The following KSR2 variants were observed in gnomAD, a reference collection of about 807,000 sequenced individuals.
KSR2 encodes kinase suppressor of ras 2.
A neutral mutation model predicts 107.8 loss-of-function variants in KSR2; 25 were observed. The ratio of observed to expected loss-of-function variants is 0.23; its 90% CI spans 0.17 to 0.32. The LOEUF is 0.32. Ranked by LOEUF, KSR2 falls within the 10% of genes least tolerant of loss-of-function variation. The pLI, the probability that KSR2 is intolerant of heterozygous loss-of-function variation, is 1.00. For missense variants in KSR2, 887 were observed against 1,268.9 expected, an observed-to-expected ratio of 0.70 and a Z score of 4.57; for synonymous variants, 480 against 507.0, an observed-to-expected ratio of 0.95 and a Z score of 0.71.
At chr12:117,542,716 T>C (rs893630794) in intron 9 of KSR2, among the ~76,000 whole-genome samples, 2 of 152,228 alleles carry the variant, frequency 1.3e-5, no homozygotes, top group South Asian at 4.1e-4. Flanking sequence ...CTCAAACTCC[T>C]GGACTCAAGC....
chr12:117,889,284 C>T (rs896712341), intron 1 of KSR2, among the ~76,000 whole-genome samples: 4 of 152,100 alleles, frequency 2.6e-5, no homozygotes, highest in African/African-American at 4.8e-5. Flanking sequence ...ATTAGCAGGG[C>T]GAGCAGCCGG....
intron 3 of KSR2, among the ~76,000 whole-genome samples, chr12:117,793,195 TACAC>T (rs1379142202): frequency 7.4e-5 from 7 of 94,770 alleles, no homozygotes; most frequent in African/African-American, 3.1e-4. Flanking sequence ...TGTGCACACA[TACAC>T]ACCAACATGC....
intron 7 of KSR2, among the ~76,000 whole-genome samples, chr12:117,564,310 G>T (rs1330777043): frequency 6.6e-6 from 1 of 152,212 alleles, no homozygotes; most frequent in African/African-American, 2.4e-5. Context: ...TTTGCACTTT[G>T]CAATCAAGCC....
intron 5 of KSR2, among the ~76,000 whole-genome samples, chr12:117,592,526 A>G (rs1880389832): frequency 6.6e-6 from 1 of 152,178 alleles, no homozygotes; most frequent in African/African-American, 2.4e-5. Flanking sequence ...GACAGTGATA[A>G]CATCCCTCCC....
At chr12:117,640,807 G>A (rs1011445173) in intron 5 of KSR2, among the ~76,000 whole-genome samples, 3 of 152,122 alleles carry the variant, frequency 2.0e-5, no homozygotes, top group South Asian at 2.1e-4. Context: ...TCACTGGGGG[G>A]CCATCTGTGA....
chr12:117,667,508 G>C lies in KSR2; in HGVS notation c.1137C>G (p.Thr379=). 1 of 1,612,354 alleles carries C rather than the reference G, an allele frequency of 6.2e-7. No individual in the cohort carries two copies. Among genetic ancestry groups the C allele is most frequent in the African/African-American group, 1.3e-5 (1 of 75,026 alleles). ...FVGHAPFLPS[T]PPVHTEANFS... ...AGTTGGCCTCAGTGTGAACAGGAGG[G>C]GTGGAAGGCAGGAAAGGTGCGTGTC... Residue 379 remains threonine, a synonymous_variant, in exon 5 of 20, where the codon ACC becomes ACG. Transcript: ENST00000339824.
chr12:117,860,885 A>ACTT (rs1259401542), intron 1 of KSR2, among the ~76,000 whole-genome samples: 1 of 151,770 alleles, frequency 6.6e-6, no homozygotes, highest in Non-Finnish European at 1.5e-5. Flanking sequence ...TGCCTGGCTA[A>ACTT]TTTTTGTATT....
chr12:117,793,159 C>T lies in KSR2; in HGVS notation c.473-31635G>A, dbSNP rs538322170. On this transcript the variant is annotated intron_variant, in intron 3 of 19. Transcript: ENST00000339824. ...ACTAACATGCATATACCAATATGCA[C>T]GCACACCAACATGTACACACACCAA... 7.6e-4 allele frequency among the ~76,000 whole-genome samples: 106 copies of T among 140,200 alleles called. 1 individual carries two copies. Among genetic ancestry groups the T allele is most frequent in the Non-Finnish European group, 1.1e-3 (71 of 66,174 alleles). The allele number at this position is 140,200 out of a possible 152,430, so 92.0% of individuals were successfully genotyped here. A position where few individuals can be genotyped will look rare whatever the true frequency, so the allele number is the denominator to read the frequency against.
intron 5 of KSR2, among the ~76,000 whole-genome samples, chr12:117,649,174 G>C (rs1414677342): frequency 1.3e-5 from 2 of 152,176 alleles, no homozygotes; most frequent in African/African-American, 4.8e-5. Flanking sequence ...ACAGCCAGGG[G>C]TAACAGCCCT....
At chr12:117,803,057 A>G (rs1352769849) in intron 3 of KSR2, among the ~76,000 whole-genome samples, 1 of 152,236 alleles carries the variant, frequency 6.6e-6, no homozygotes, top group Non-Finnish European at 1.5e-5. Flanking sequence ...TTCACAAAAA[A>G]ATATTTCCAT....
chr12:117,527,817 G>A lies in KSR2; in HGVS notation c.1803-698C>T, dbSNP rs116195141. On this transcript the variant is annotated intron_variant, in intron 12 of 19. Coordinates refer to ENST00000339824, the MANE Select transcript of KSR2 (RefSeq NM_173598.6). ...GTGTGAATTGGATAAATGGAGTGTC[G>A]TGGGAATTCCAAGATGAGAGAATTA... 3.7e-4 allele frequency among the ~76,000 whole-genome samples: 57 copies of A among 152,262 alleles called. 1 individual carries two copies. The highest frequency in any genetic ancestry group is 1.2e-3 in the African/African-American group (49 of 41,532).
At chr12:117,865,833 T>C (rs905421171) in intron 1 of KSR2, among the ~76,000 whole-genome samples, 1 of 152,148 alleles carries the variant, frequency 6.6e-6, no homozygotes, top group Non-Finnish European at 1.5e-5. Flanking sequence ...TAGTAGTGTT[T>C]CCCAACTGTA....
intron 5 of KSR2, among the ~76,000 whole-genome samples, chr12:117,665,232 G>A (rs1884609778): frequency 6.6e-6 from 1 of 152,106 alleles, no homozygotes; most frequent in African/African-American, 2.4e-5. Context: ...CCTGTCCACA[G>A]GCAAGCAGAA....
rs35920368 is a variant in KSR2 at position 117,582,047 on chromosome 12, T to C, written c.1241+243A>G. Among the ~76,000 whole-genome samples, 60,448 of 152,130 alleles carry C rather than the reference T, an allele frequency of 0.4. 13,748 individuals are homozygous for C. Among genetic ancestry groups the C allele is most frequent in the East Asian group, 0.56 (2,901 of 5,168 alleles). ...GGATTGGAACACAGGTCAGTCTGAC[T>C]CCAAAGCCCTGGCTTTTAACTGCTA... On this transcript the variant is annotated intron_variant, in intron 6 of 19. Transcript: ENST00000339824.
At chr12:117,966,509 A>C (rs1896791135) in intron 1 of KSR2, among the ~76,000 whole-genome samples, 2 of 152,004 alleles carry the variant, frequency 1.3e-5, no homozygotes, top group Non-Finnish European at 2.9e-5. Flanking sequence ...ATACACCTTG[A>C]CATTGATCTT....
chr12:117,892,835 T>C (rs895069105), intron 1 of KSR2, among the ~76,000 whole-genome samples: 9 of 150,210 alleles, frequency 6.0e-5, no homozygotes, highest in African/African-American at 2.0e-4. Context: ...GAAGTTGCTT[T>C]TAAAGTGAAT....
intron 3 of KSR2, among the ~76,000 whole-genome samples, chr12:117,801,880 G>A (rs996830932): frequency 1.3e-5 from 2 of 152,084 alleles, no homozygotes; most frequent in African/African-American, 4.8e-5. Flanking sequence ...TTCCCAAGAG[G>A]CCCTGGGGCT....
intron 1 of KSR2, chr12:117,889,811 G>A (rs1894286425): frequency 6.6e-6 from 1 of 152,180 alleles, no homozygotes; most frequent in South Asian, 2.1e-4. Flanking sequence ...TTGGAAGATG[G>A]GGAGCTGTTA....
At chr12:117,796,162 A>G (rs943714952) in intron 3 of KSR2, among the ~76,000 whole-genome samples, 13 of 151,898 alleles carry the variant, frequency 8.6e-5, no homozygotes, top group African/African-American at 3.1e-4. Flanking sequence ...GAGCTCCTGG[A>G]CTCAAGCAGT....
Sources: gnomAD v4.1 joint callset for allele counts (sites outside exome capture counted in the v4.1 genomes callset) on GRCh38, gnomAD v4.1.1 for gene constraint, MANE v1.5 for transcripts, NCBI Gene and HGNC (gene_info 2026-07-23, HGNC 2026-07-21) for gene names.